Variants in FGD6 observed in about 807,000 individuals in gnomAD.
FGD6 encodes the protein FYVE, RhoGEF and PH domain containing 6.
Under a neutral mutation model 149.4 loss-of-function variants are expected in FGD6, and 90 were observed. The ratio of observed to expected loss-of-function variants is 0.60; its 90% CI spans 0.51 to 0.72. The LOEUF (loss-of-function observed/expected upper bound fraction) is 0.72. Ranked by LOEUF, FGD6 falls within the 30% of genes least tolerant of loss-of-function variation. The pLI is 0.00. For missense variants in FGD6, 1,437 were observed against 1,684.8 expected (o/e 0.85, Z 2.57); for synonymous variants, 527 against 584.0 (o/e 0.90, Z 1.41).
chr12:95,114,604 A>G (rs1878951633), intron 8 of FGD6, among the ~76,000 whole-genome samples: 1 of 152,170 alleles, frequency 6.6e-6, no homozygotes, highest in African/African-American at 2.4e-5. Context: ...TTGGATAAAG[A>G]TAGTCTGTAA....
chr12:95,113,421 A>T (rs1177505457), intron 9 of FGD6, among the ~76,000 whole-genome samples: 1 of 151,696 alleles, frequency 6.6e-6, no homozygotes, highest in Non-Finnish European at 1.5e-5. Context: ...TTTTTAGTAG[A>T]GAAGGGGTTT....
At chr12:95,151,341 G>C (rs1365135351) in intron 5 of FGD6, among the ~76,000 whole-genome samples, 1 of 152,042 alleles carries the variant, frequency 6.6e-6, no homozygotes, top group Non-Finnish European at 1.5e-5. Flanking sequence ...TACCATCTTG[G>C]CTCACTGCAA....
At chr12:95,158,800 T>C (rs925084901) in intron 3 of FGD6, among the ~76,000 whole-genome samples, 3 of 152,070 alleles carry the variant, frequency 2.0e-5, no homozygotes, top group East Asian at 1.9e-4. Context: ...GGTGGGAGGA[T>C]TGCTTGAGCC....
Position 95,134,761 on chromosome 12 carries a change from G to T in FGD6, c.3060C>A (p.Pro1020=), listed in dbSNP as rs1879619761. ...HYLLKPVQRI[P]QYRLLLTDYL... is the part of the protein sequence containing the mutation. ...CACCTGTCAGCAACAGCCTGTACTGGGGGATCCTCTGAACCGGCTTGAGCA... is the reference window on the plus strand; with the variant it reads ...CACCTGTCAGCAACAGCCTGTACTGTGGGATCCTCTGAACCGGCTTGAGCA... The change falls in exon 8 of 21, where the codon CCC becomes CCA. Residue 1020 remains proline, a synonymous_variant. Coordinates refer to ENST00000343958, the MANE Select transcript of FGD6 (RefSeq NM_018351.4). The T allele has an allele frequency of 1.2e-6, 2 of 1,613,718 alleles. No individual in the cohort carries two copies. The highest frequency in any genetic ancestry group is 2.2e-5 in the South Asian group (2 of 91,006).
intron 1 of FGD6, among the ~76,000 whole-genome samples, chr12:95,213,091 G>A (rs2056736213): frequency 6.6e-6 from 1 of 152,026 alleles, no homozygotes; most frequent in South Asian, 2.1e-4. Flanking sequence ...TCAAATCCTA[G>A]TGAGAAACCT....
chr12:95,125,399 G>A (rs1879305515), intron 8 of FGD6, among the ~76,000 whole-genome samples: 1 of 152,170 alleles, frequency 6.6e-6, no homozygotes, highest in Non-Finnish European at 1.5e-5. Context: ...TTAGGAGGCT[G>A]AGGTGGAAGG....
rs1239830432 is a variant in FGD6, at chr12:95,124,347, C to T, written c.3082+10392G>A. 5.8e-4 allele frequency among the ~76,000 whole-genome samples: 89 copies of T among 152,186 alleles called. 3 individuals are homozygous for T. The highest frequency in any genetic ancestry group is 5.8e-3 in the Admixed American group (89 of 15,260). ...GCTGTTACCCATATTTGGTCTGTAC[C>T]ACCCTGAGTATCAACAAAGCAAACT... On this transcript the variant is annotated intron_variant, in intron 8 of 20. Coordinates refer to ENST00000343958, the MANE Select transcript of FGD6 (RefSeq NM_018351.4).
chr12:95,163,410 A>G (rs1031013348), intron 3 of FGD6, among the ~76,000 whole-genome samples: 9 of 152,142 alleles, frequency 5.9e-5, no homozygotes, highest in Non-Finnish European at 8.8e-5. Flanking sequence ...AAAGGACAAG[A>G]TAATTTTCTT....
Position 95,081,461 on chromosome 12 carries a change from A to T in FGD6, c.*59T>A. ...TTTATACAATTTTTGAATTGCATTT[A>T]CTCCATTCTGATGAAATTCCACCTC... On this transcript the variant is annotated 3_prime_UTR_variant, in exon 21 of 21. Coordinates refer to ENST00000343958, the MANE Select transcript of FGD6 (RefSeq NM_018351.4). 6.9e-7 allele frequency: 1 copy of T among 1,449,778 alleles called. No individual in the cohort carries two copies. The highest frequency in any genetic ancestry group is 9.4e-7 in the Non-Finnish European group (1 of 1,068,358). 89.8% of individuals were successfully genotyped at this position (1,449,778 alleles called of 1,614,324 possible).
At chr12:95,125,873 T>A in intron 8 of FGD6, 4 of 1,197,772 alleles carry the variant, frequency 3.3e-6, no homozygotes, top group Non-Finnish European at 5.0e-6. Context: ...GGGCTTTGGT[T>A]GGTGGACCTT....
Position 95,210,799 on chromosome 12 carries a change from T to G in FGD6, c.485A>C (p.Tyr162Ser). ...TIKTRSKCDL[Y>S]GEKAKNQGGV... is the part of the protein sequence containing the mutation. The stretch of plus-strand genomic sequence containing the variant: ...ACCCTGGTTCTTGGCTTTTTCACCA[T>G]ACAAATCACATTTACTCCTAGTTTT... The change falls in exon 2 of 21, where the codon TAT (tyrosine) becomes TCT (serine). Residue 162 changes from tyrosine to serine, a missense_variant. Tyr to Ser is a moderately radical substitution (Grantham distance 144). Transcript: ENST00000343958. 6.2e-7 allele frequency: 1 copy of G among 1,613,998 alleles called. No individual in the cohort carries two copies. The highest frequency in any genetic ancestry group is 8.5e-7 in the Non-Finnish European group (1 of 1,179,988).
intron 17 of FGD6, among the ~76,000 whole-genome samples, chr12:95,090,904 C>G (rs916216596): frequency 3.3e-5 from 5 of 152,048 alleles, no homozygotes; most frequent in Non-Finnish European, 7.4e-5. Context: ...TCGAGACCAG[C>G]TTGGCCAACA....
At chr12:95,108,668 A>G (rs765462129) in intron 9 of FGD6, 107 bp from the exon 10 acceptor site, 3 of 1,255,094 alleles carry the variant, frequency 2.4e-6, no homozygotes, top group Admixed American at 1.9e-5. Flanking sequence ...ATAGCAACCA[A>G]CCTCTGGAGG....
chr12:95,138,435 T>G (rs894918497), intron 6 of FGD6, among the ~76,000 whole-genome samples: 2 of 149,976 alleles, frequency 1.3e-5, no homozygotes, highest in African/African-American at 4.9e-5. Flanking sequence ...TCCTAGGTAC[T>G]TGGGAGGCTG....
chr12:95,174,403 T>C (rs1210489514), intron 2 of FGD6, among the ~76,000 whole-genome samples: 5 of 152,110 alleles, frequency 3.3e-5, no homozygotes, highest in South Asian at 2.1e-4. Flanking sequence ...ACACAACACA[T>C]GTTCAATTTC....
In FGD6 at chr12:95,148,567, T is replaced by C. The variant is rs186253605; in HGVS notation, c.2685+4244A>G. The stretch of plus-strand genomic sequence containing the variant: ...ATATATTATATTATATATTATATAT[T>C]ATATAATACATAGCATATATTATAT... On this transcript the variant is annotated intron_variant, in intron 5 of 20. Transcript: ENST00000343958. Among the ~76,000 whole-genome samples the C allele has an allele frequency of 8.5e-3, 1,141 of 134,194 alleles. 58 individuals carry two copies. The highest frequency in any genetic ancestry group is 0.074 in the Admixed American group (878 of 11,834). The allele number at this position is 134,194 out of a possible 152,430, so 88.0% of individuals were successfully genotyped here.
intron 8 of FGD6, among the ~76,000 whole-genome samples, chr12:95,133,985 C>T (rs576180621): frequency 1.3e-5 from 2 of 152,186 alleles, no homozygotes; most frequent in African/African-American, 2.4e-5. Flanking sequence ...TTTTTCCTTA[C>T]TAAACAGACA....
intron 18 of FGD6, among the ~76,000 whole-genome samples, chr12:95,086,780 T>C (rs1187377573): frequency 2.0e-5 from 3 of 150,902 alleles, no homozygotes; most frequent in Admixed American, 6.6e-5. Context: ...TCTCCCGACC[T>C]TGTGATCCAC....
At chr12:95,196,544 T>A (rs1034034266) in intron 2 of FGD6, among the ~76,000 whole-genome samples, 15 of 151,832 alleles carry the variant, frequency 9.9e-5, no homozygotes, top group Non-Finnish European at 1.9e-4. Flanking sequence ...GGAATTTAAA[T>A]ATGCTTTCTA....
Sources: gnomAD v4.1 joint callset for allele counts (sites outside exome capture counted in the v4.1 genomes callset) on GRCh38, gnomAD v4.1.1 for gene constraint, MANE v1.5 for transcripts, NCBI Gene and HGNC (gene_info 2026-07-23, HGNC 2026-07-21) for gene names.